The following EPHB2 variants were observed in gnomAD, a reference collection of about 807,000 sequenced individuals.
The protein encoded by EPHB2 is ephrin type-B receptor 2.
In EPHB2, 18 loss-of-function variants were observed where a neutral mutation model predicts 96.4. The observed-to-expected ratio is 0.19, with a 90% CI of 0.13 to 0.28. The LOEUF (loss-of-function observed/expected upper bound fraction) is 0.28, where lower values mean the gene tolerates loss of function less well. Ranked by LOEUF, EPHB2 falls within the 10% of genes least tolerant of loss-of-function variation. The pLI is 1.00. For missense variants in EPHB2, 989 were observed against 1,355.4 expected, an observed-to-expected ratio of 0.73 and a Z score of 4.25; for synonymous variants, 506 against 534.1, an observed-to-expected ratio of 0.95 and a Z score of 0.72.
intron 1 of EPHB2, among the ~76,000 whole-genome samples, chr1:22,713,003 C>G (rs1643195055): frequency 2.0e-5 from 3 of 152,170 alleles, no homozygotes; most frequent in Non-Finnish European, 4.4e-5. Flanking sequence ...AGCCATCGCC[C>G]TGGCAGAGGC....
At chr1:22,849,711 C>T (rs142600855) in intron 3 of EPHB2, among the ~76,000 whole-genome samples, 96 of 152,296 alleles carry the variant, frequency 6.3e-4, no homozygotes, top group African/African-American at 1.9e-3. Context: ...GACTCTAAGT[C>T]GGCACAGGAA....
chr1:22,775,369 G>T (rs1315673242), intron 1 of EPHB2: 4 of 699,644 alleles, frequency 5.7e-6, no homozygotes, highest in Non-Finnish European at 1.1e-5. Flanking sequence ...GCATGTATAG[G>T]TGCTTAATGA....
At chr1:22,868,222 A>G (rs906168539) in intron 5 of EPHB2, among the ~76,000 whole-genome samples, 1 of 152,142 alleles carries the variant, frequency 6.6e-6, no homozygotes, top group Admixed American at 6.5e-5. Context: ...GGGGCGGAGT[A>G]TGGACGTGAG....
chr1:22,771,129 T>G (rs1236585165), intron 1 of EPHB2, among the ~76,000 whole-genome samples: 1 of 150,538 alleles, frequency 6.6e-6, no homozygotes, highest in Non-Finnish European at 1.5e-5. Context: ...TGATCAGGAG[T>G]AAGGTGGTTT....
chr1:22,836,058 G>A (rs955897239), intron 3 of EPHB2: 1 of 152,030 alleles, frequency 6.6e-6, no homozygotes, highest in Admixed American at 6.6e-5. Flanking sequence ...GCTCGTACTC[G>A]GCCTGTGCTC....
intron 3 of EPHB2, among the ~76,000 whole-genome samples, chr1:22,794,107 C>G (rs551096805): frequency 8.5e-5 from 13 of 152,276 alleles, no homozygotes; most frequent in Admixed American, 3.3e-4. Context: ...ACATTACACC[C>G]TGGCCTGCCT....
intron 14 of EPHB2, among the ~76,000 whole-genome samples, 200 bp from the exon 15 acceptor site, chr1:22,912,244 A>G (rs972283957): frequency 1.3e-5 from 2 of 152,186 alleles, no homozygotes; most frequent in Admixed American, 6.5e-5. Context: ...ATGCTCACAT[A>G]TATATGCGTG....
chr1:22,898,220 T>C (rs1330627004), intron 9 of EPHB2, among the ~76,000 whole-genome samples: 1 of 150,896 alleles, frequency 6.6e-6, no homozygotes, highest in African/African-American at 2.4e-5. Context: ...AAGATGAAAG[T>C]GCTATAGGAA....
At position 22,765,273 on chromosome 1, in the gene EPHB2, G is replaced by T. The variant is rs574830510; in HGVS notation, c.62-16148G>T. On this transcript the variant is annotated intron_variant, in intron 1 of 15. Coordinates refer to ENST00000374630, the MANE Select transcript of EPHB2 (RefSeq NM_017449.5). ...TAGAAAACCCTGAGTCTAGCCGGGT[G>T]CAGTGGTTGACACCTGTAATCCCAA... 3.3e-5 allele frequency among the ~76,000 whole-genome samples: 5 copies of T among 152,258 alleles called. No homozygotes were observed. In the East Asian group the frequency reaches 9.7e-4, roughly 29 times the overall value.
At chr1:22,718,069 G>T (rs1465326246) in intron 1 of EPHB2, among the ~76,000 whole-genome samples, 1 of 152,124 alleles carries the variant, frequency 6.6e-6, no homozygotes, top group East Asian at 1.9e-4. Context: ...CTACCAATGG[G>T]AAGCTCAATT....
rs375204756 is a variant in EPHB2, at chr1:22,836,455, C to T, written c.812-26582C>T. On this transcript the variant is annotated intron_variant, in intron 3 of 15. Coordinates refer to ENST00000374630, the MANE Select transcript of EPHB2 (RefSeq NM_017449.5). Reference sequence around the variant, plus strand: ...GGGCATGTATTTTGGTACATTGATCCGTAGAAGCCGTAGAATGTTGTGCGT... The same window carrying T: ...GGGCATGTATTTTGGTACATTGATCTGTAGAAGCCGTAGAATGTTGTGCGT... 2.2e-4 allele frequency among the ~76,000 whole-genome samples: 33 copies of T among 152,338 alleles called. 1 individual carries two copies. The highest frequency in any genetic ancestry group is 3.4e-3 in the Middle Eastern group (1 of 294).
chr1:22,859,963 A>G (rs979664013), intron 3 of EPHB2, among the ~76,000 whole-genome samples: 3 of 152,080 alleles, frequency 2.0e-5, no homozygotes, highest in African/African-American at 7.2e-5. Context: ...GCAACCACGC[A>G]TCGACTTTCT....
At chr1:22,729,016 A>G (rs1372510008) in intron 1 of EPHB2, among the ~76,000 whole-genome samples, 1 of 152,188 alleles carries the variant, frequency 6.6e-6, no homozygotes, top group East Asian at 1.9e-4. Flanking sequence ...TGGAGAAACA[A>G]ACACAGCTGT....
chr1:22,771,729 G>T (rs915630639), intron 1 of EPHB2, among the ~76,000 whole-genome samples: 1 of 152,174 alleles, frequency 6.6e-6, no homozygotes, highest in African/African-American at 2.4e-5. Flanking sequence ...GCCCAGTAAT[G>T]CCAGCTGCCA....
chr1:22,914,004 G>GGAGCCAA lies in EPHB2; in HGVS notation c.*435_*436insAGCCAAG. On this transcript the variant is annotated 3_prime_UTR_variant, in exon 16 of 16. Coordinates refer to ENST00000374630, the MANE Select transcript of EPHB2 (RefSeq NM_017449.5). ...AAAACAAATGTGAAGGGGAGAGACA[G>GGAGCCAA]GGGCCGCCCTTGGCTCCTGTCCCTG... 8.0e-7 allele frequency: 1 copy of GGAGCCAA among 1,257,670 alleles called. No individual in the cohort carries two copies. The highest frequency in any genetic ancestry group is 1.1e-6 in the Non-Finnish European group (1 of 929,612). The allele number at this position is 1,257,670 out of a possible 1,614,324, so 77.9% of individuals were successfully genotyped here. A position where few individuals can be genotyped will look rare whatever the true frequency, so the allele number is the denominator to read the frequency against.
At chr1:22,845,730 A>C (rs1337091883) in intron 3 of EPHB2, among the ~76,000 whole-genome samples, 1 of 152,144 alleles carries the variant, frequency 6.6e-6, no homozygotes, top group Non-Finnish European at 1.5e-5. Context: ...ACCCACACAC[A>C]CACGTACACA....
At chr1:22,879,507 G>A (rs1028662174) in intron 5 of EPHB2, among the ~76,000 whole-genome samples, 5 of 152,196 alleles carry the variant, frequency 3.3e-5, no homozygotes, top group African/African-American at 4.8e-5. Context: ...GAGGGATGGC[G>A]CTGGGGCTGA....
At chr1:22,838,963 GAA>G (rs1209128739) in intron 3 of EPHB2, among the ~76,000 whole-genome samples, 3 of 151,740 alleles carry the variant, frequency 2.0e-5, no homozygotes, top group African/African-American at 7.3e-5. Context: ...AAGAAAAAAA[GAA>G]AAAAAGAAAA....
Position 22,913,983 on chromosome 1 carries a change from C to T in EPHB2, c.*413C>T. On this transcript the variant is annotated 3_prime_UTR_variant, in exon 16 of 16. Transcript: ENST00000374630. This position sits in a 1 kb window ranked among gnomAD's most constrained non-coding sequence, Gnocchi z 4.1. ...GAGCCAAGAAACACTTTCAGAAAAA[C>T]AAATGTGAAGGGGAGAGACAGGGGC... 7.2e-7 allele frequency: 1 copy of T among 1,389,196 alleles called. No individual in the cohort carries two copies. The highest frequency in any genetic ancestry group is 9.6e-7 in the Non-Finnish European group (1 of 1,044,566). 86.1% of individuals were successfully genotyped at this position (1,389,196 alleles called of 1,614,324 possible).
Sources: gnomAD v4.1 joint callset for allele counts (sites outside exome capture counted in the v4.1 genomes callset) on GRCh38, gnomAD v4.1.1 for gene constraint, Gnocchi (gnomAD v3.1) non-coding constraint, MANE v1.5 for transcripts, NCBI Gene and HGNC (gene_info 2026-07-23, HGNC 2026-07-21) for gene names.